The following ZBTB20 variants were observed in gnomAD, a reference collection of about 807,000 sequenced individuals.
ZBTB20 encodes zinc finger and BTB domain containing 20.
In ZBTB20, 9 loss-of-function variants were observed where a neutral mutation model predicts 56.9. The ratio of observed to expected loss-of-function variants is 0.16; its 90% CI spans 0.10 to 0.28. ZBTB20 has a LOEUF of 0.28. Among genes scored for constraint, ZBTB20 ranks in the 10% least tolerant of loss-of-function variants. ZBTB20 has a pLI of 1.00. For missense variants in ZBTB20, 655 were observed against 1,003.0 expected, an observed-to-expected ratio of 0.65 and a Z score of 4.69; for synonymous variants, 417 against 420.7, an observed-to-expected ratio of 0.99 and a Z score of 0.11.
intron 5 of ZBTB20, among the ~76,000 whole-genome samples, chr3:114,706,405 T>G (rs184769360): frequency 2.9e-4 from 44 of 152,288 alleles, no homozygotes; most frequent in Admixed American, 2.7e-3. Context: ...TTTTATGCTT[T>G]TTTAATCAAA....
At chr3:114,878,415 T>C (rs1296331106) in intron 4 of ZBTB20, among the ~76,000 whole-genome samples, 1 of 152,120 alleles carries the variant, frequency 6.6e-6, no homozygotes, top group Admixed American at 6.6e-5. Flanking sequence ...GAAATGGTTT[T>C]CAGCATCTAC....
At chr3:114,748,016 C>T (rs993349943) in intron 5 of ZBTB20, among the ~76,000 whole-genome samples, 1 of 148,850 alleles carries the variant, frequency 6.7e-6, no homozygotes, top group Non-Finnish European at 1.5e-5. Context: ...ATTGAATTTT[C>T]AAAAAGTGAG....
chr3:115,128,483 G>A (rs2084399054), intron 1 of ZBTB20, among the ~76,000 whole-genome samples: 1 of 151,852 alleles, frequency 6.6e-6, no homozygotes, highest in African/African-American at 2.4e-5. Flanking sequence ...GGCCAACATG[G>A]TGAAAGCTCG....
At chr3:114,707,827 C>G (rs368157918) in intron 5 of ZBTB20, among the ~76,000 whole-genome samples, 3 of 152,204 alleles carry the variant, frequency 2.0e-5, no homozygotes, top group Non-Finnish European at 4.4e-5. Flanking sequence ...TGCACACAAT[C>G]CACCTGCATA....
intron 4 of ZBTB20, among the ~76,000 whole-genome samples, chr3:114,802,987 T>C (rs1004870161): frequency 1.3e-5 from 2 of 151,898 alleles, no homozygotes; most frequent in African/African-American, 4.8e-5. Flanking sequence ...CAGCTCAAAA[T>C]AATTAAATCA....
intron 4 of ZBTB20, among the ~76,000 whole-genome samples, chr3:114,834,648 C>G (rs1008605823): frequency 3.9e-5 from 6 of 152,058 alleles, no homozygotes; most frequent in African/African-American, 1.2e-4. Context: ...AATCCTTGCA[C>G]CTTTCCACCC....
chr3:114,544,413 CTTTCTTTCTTTCT>C (rs2049499014), intron 6 of ZBTB20, among the ~76,000 whole-genome samples: 7 of 8,920 alleles, frequency 7.8e-4, no homozygotes, highest in Middle Eastern at 0.056. Flanking sequence ...TTTCTTCTTT[CTTTCTTTCTTTCT>C]TTCTTTCTTT....
At chr3:114,783,546 A>T (rs891678514) in intron 5 of ZBTB20, among the ~76,000 whole-genome samples, 1 of 152,116 alleles carries the variant, frequency 6.6e-6, no homozygotes, top group Non-Finnish European at 1.5e-5. Flanking sequence ...CTGTAATCCC[A>T]GCACTTTGGG....
intron 7 of ZBTB20, among the ~76,000 whole-genome samples, chr3:114,427,391 C>T (rs143746309): frequency 9.8e-5 from 15 of 152,290 alleles, no homozygotes; most frequent in East Asian, 9.6e-4. Context: ...ATGTCCCTCA[C>T]GGGATCAACT....
chr3:114,409,200 C>T (rs1479376518), intron 7 of ZBTB20, among the ~76,000 whole-genome samples: 22 of 138,616 alleles, frequency 1.6e-4, no homozygotes, highest in East Asian at 6.3e-4. Context: ...GTGAAAACTC[C>T]GTTCTGAAGA....
chr3:115,040,205 A>C (rs2081085236), intron 2 of ZBTB20, among the ~76,000 whole-genome samples: 1 of 152,158 alleles, frequency 6.6e-6, no homozygotes, highest in South Asian at 2.1e-4. Flanking sequence ...ACTGTCATTC[A>C]TTCAACAGAC....
At chr3:114,809,179 T>C (rs1222580663) in intron 4 of ZBTB20, among the ~76,000 whole-genome samples, 1 of 152,036 alleles carries the variant, frequency 6.6e-6, no homozygotes, top group African/African-American at 2.4e-5. Flanking sequence ...TTATCCAACA[T>C]GGAGTTTTTG....
At chr3:114,416,726 G>T (rs1181872089) in intron 7 of ZBTB20, among the ~76,000 whole-genome samples, 1 of 152,072 alleles carries the variant, frequency 6.6e-6, no homozygotes, top group African/African-American at 2.4e-5. Flanking sequence ...CTTTTCAGGG[G>T]GTTATAACTC....
At chr3:115,091,263 A>G (rs2083182044) in intron 1 of ZBTB20, among the ~76,000 whole-genome samples, 1 of 152,030 alleles carries the variant, frequency 6.6e-6, no homozygotes, top group Non-Finnish European at 1.5e-5. Flanking sequence ...TTCAAAGGCT[A>G]GCAATTTCAT....
chr3:114,469,119 T>G (rs1432606334), intron 7 of ZBTB20, among the ~76,000 whole-genome samples: 1 of 151,906 alleles, frequency 6.6e-6, no homozygotes, highest in African/African-American at 2.4e-5. Flanking sequence ...CAAACATACA[T>G]TTTAAAAAAT....
chr3:114,443,963 G>A (rs1372419288), intron 7 of ZBTB20, among the ~76,000 whole-genome samples: 1 of 152,098 alleles, frequency 6.6e-6, no homozygotes, highest in Non-Finnish European at 1.5e-5. Flanking sequence ...AATGAAATAT[G>A]GCAAGGCTCA....
chr3:114,823,461 A>G (rs933230614), intron 4 of ZBTB20, among the ~76,000 whole-genome samples: 2 of 148,530 alleles, frequency 1.3e-5, no homozygotes, highest in South Asian at 4.2e-4. Context: ...TTATAAGAAT[A>G]TAAGAAAAAA....
rs538294176 is a variant in ZBTB20 at position 114,441,545 on chromosome 3, G to T, written c.-254-52440C>A. Among the ~76,000 whole-genome samples the T allele has an allele frequency of 2.6e-5, 4 of 152,158 alleles. No homozygotes were observed. The South Asian group carries it at 8.3e-4, about 32-fold the overall frequency. On this transcript the variant is annotated intron_variant, in intron 7 of 11. Coordinates refer to ENST00000675478, the MANE Select transcript of ZBTB20 (RefSeq NM_001348800.3). ...CCTGTACCCGTCAGAACCTTGGCTGGCTGTCATCCCATCAAGCACCTCATC... is the reference window on the plus strand; with the variant it reads ...CCTGTACCCGTCAGAACCTTGGCTGTCTGTCATCCCATCAAGCACCTCATC...
intron 10 of ZBTB20, among the ~76,000 whole-genome samples, chr3:114,368,843 A>G (rs1228886037): frequency 1.3e-5 from 2 of 152,206 alleles, no homozygotes; most frequent in African/African-American, 4.8e-5. Context: ...CCCAGGATCT[A>G]GTCACCCATC....
Sources: gnomAD v4.1 joint callset for allele counts (sites outside exome capture counted in the v4.1 genomes callset) on GRCh38, gnomAD v4.1.1 for gene constraint, MANE v1.5 for transcripts, NCBI Gene and HGNC (gene_info 2026-07-23, HGNC 2026-07-21) for gene names.